The following ITSN2 variants were observed in gnomAD, a reference collection of about 807,000 sequenced individuals.
ITSN2 encodes intersectin-2.
In ITSN2, 156 loss-of-function variants were observed where a neutral mutation model predicts 243.7. The observed-to-expected ratio is 0.64, with a 90% CI of 0.56 to 0.73. The LOEUF (loss-of-function observed/expected upper bound fraction) is 0.73. Ranked by LOEUF, ITSN2 falls within the 30% of genes least tolerant of loss-of-function variation. The pLI, the probability that ITSN2 is intolerant of heterozygous loss-of-function variation, is 0.00. For missense variants in ITSN2, 1,801 were observed against 1,996.1 expected (o/e 0.90, Z 1.86); for synonymous variants, 703 against 699.9 (o/e 1.00, Z -0.07).
chr2:24,209,639 T>TG (rs1354249778), intron 35 of ITSN2, among the ~76,000 whole-genome samples, 179 bp downstream of exon 35: 1 of 152,044 alleles, frequency 6.6e-6, no homozygotes, highest in East Asian at 1.9e-4. Flanking sequence ...CTGTGGCAGG[T>TG]GGGGAGTGCC....
intron 30 of ITSN2, 30 bp downstream of exon 30, chr2:24,220,915 C>G (rs760181276): frequency 5.7e-6 from 9 of 1,578,240 alleles, no homozygotes; most frequent in Admixed American, 1.9e-5. Flanking sequence ...AGCAGATACC[C>G]CGAGAGCTAG....
chr2:24,356,748 C>T lies in ITSN2; in HGVS notation c.-34+3556G>A, dbSNP rs559457193. Among the ~76,000 whole-genome samples the T allele has an allele frequency of 1.3e-4, 19 of 151,996 alleles. No individual in the cohort carries two copies. The South Asian group carries it at 3.3e-3, about 27-fold the overall frequency. ...GGCCAACATGTCTCTACTAAAAAGA[C>T]AAAAATTGGCAGGGCGTGGTGGCAG... is the stretch of plus-strand genomic sequence containing the variant. On this transcript the variant is annotated intron_variant, in intron 1 of 39. Coordinates refer to ENST00000355123, the MANE Select transcript of ITSN2 (RefSeq NM_006277.3).
At position 24,204,522 on chromosome 2, in the gene ITSN2, C is replaced by T. The variant is rs536257226; in HGVS notation, c.4763-104G>A. 7.6e-6 allele frequency: 8 copies of T among 1,054,954 alleles called. No individual in the cohort carries two copies. Among genetic ancestry groups the T allele is most frequent in the East Asian group, 7.1e-5 (3 of 42,034 alleles). The allele number at this position is 1,054,954 out of a possible 1,614,324, so 65.3% of individuals were successfully genotyped here. A position where few individuals can be genotyped will look rare whatever the true frequency, so the allele number is the denominator to read the frequency against. ...AGCAGGATTCCAATAATGGGTCACT[C>T]GAGACCATGGCAGCAGGAGCCGCTG... On this transcript the variant is annotated intron_variant, in intron 38 of 39. Coordinates refer to ENST00000355123, the MANE Select transcript of ITSN2 (RefSeq NM_006277.3). This position sits in a 1 kb window ranked among gnomAD's most constrained non-coding sequence, Gnocchi z 5.1.
Position 24,212,314 on chromosome 2 carries a change from A to G in ITSN2, c.4089+336T>C, listed in dbSNP as rs79160223. On this transcript the variant is annotated intron_variant, in intron 33 of 39. Coordinates refer to ENST00000355123, the MANE Select transcript of ITSN2 (RefSeq NM_006277.3). Reference sequence around the variant, plus strand: ...ACTCTGGTCTTTCTCTGGGTTCAAGATGGGCTCCACAACTGGAGACCTAGA... The same window carrying G: ...ACTCTGGTCTTTCTCTGGGTTCAAGGTGGGCTCCACAACTGGAGACCTAGA... 7.3e-3 allele frequency among the ~76,000 whole-genome samples: 1,106 copies of G among 152,250 alleles called. 7 individuals are homozygous for G. Among genetic ancestry groups the G allele is most frequent in the African/African-American group, 0.026 (1,065 of 41,520 alleles).
intron 29 of ITSN2, among the ~76,000 whole-genome samples, chr2:24,232,738 AC>A (rs1272469199): frequency 6.6e-6 from 1 of 152,192 alleles, no homozygotes; most frequent in African/African-American, 2.4e-5. Flanking sequence ...GAAGAGACTT[AC>A]CAGATAAATT....
intron 1 of ITSN2, among the ~76,000 whole-genome samples, chr2:24,359,657 T>C (rs1242036285): frequency 6.6e-6 from 1 of 151,758 alleles, no homozygotes; most frequent in East Asian, 1.9e-4. Flanking sequence ...AATACACAAA[T>C]AAACTTTATC....
chr2:24,286,196 T>A lies in ITSN2; in HGVS notation c.1863+16A>T. 2.0e-6 allele frequency: 3 copies of A among 1,484,850 alleles called. No individual in the cohort carries two copies. The highest frequency in any genetic ancestry group is 2.8e-6 in the Non-Finnish European group (3 of 1,088,040). The allele number at this position is 1,484,850 out of a possible 1,614,324, so 92.0% of individuals were successfully genotyped here. A position where few individuals can be genotyped will look rare whatever the true frequency, so the allele number is the denominator to read the frequency against. On this transcript the variant is annotated intron_variant, in intron 16 of 39. Transcript: ENST00000355123. Reference sequence around the variant, plus strand: ...AAGGCAGTTACCTAAAAATAAATAGTATCAAAAATAAATACCTTTAGTTGA... The same window carrying A: ...AAGGCAGTTACCTAAAAATAAATAGAATCAAAAATAAATACCTTTAGTTGA...
chr2:24,361,153 A>C (rs1237039454), upstream of ITSN2, among the ~76,000 whole-genome samples: 2 of 152,148 alleles, frequency 1.3e-5, no homozygotes, highest in Non-Finnish European at 2.9e-5. Context: ...AGCACCCTCT[A>C]CGCTAGTCAC....
chr2:24,304,911 G>GTA (rs1682289487), intron 8 of ITSN2, among the ~76,000 whole-genome samples: 1 of 152,166 alleles, frequency 6.6e-6, no homozygotes, highest in Non-Finnish European at 1.5e-5. Flanking sequence ...GAACATGTAT[G>GTA]TACACTCTTA....
At chr2:24,220,636 G>A (rs2543663) in intron 30 of ITSN2, 110,125 of 1,229,020 alleles carry the variant, frequency 0.09, 6,241 homozygotes, top group African/African-American at 0.27. Flanking sequence ...CTCTATCCCC[G>A]TCCTTCCTTG....
chr2:24,315,633 C>T (rs1003077954), intron 2 of ITSN2, among the ~76,000 whole-genome samples: 1 of 152,126 alleles, frequency 6.6e-6, no homozygotes, highest in Non-Finnish European at 1.5e-5. Context: ...AACTGTAATC[C>T]CCACGTGTCA....
chr2:24,321,203 G>GCT (rs1684540257), intron 2 of ITSN2, among the ~76,000 whole-genome samples: 1 of 152,172 alleles, frequency 6.6e-6, no homozygotes, highest in Non-Finnish European at 1.5e-5. Context: ...TTGTCCGCCA[G>GCT]CTCTCTGAGG....
Position 24,257,923 on chromosome 2 carries a change from G to T in ITSN2, c.2853C>A (p.Val951=). 6.2e-7 allele frequency: 1 copy of T among 1,613,922 alleles called. No homozygotes were observed. The highest frequency in any genetic ancestry group is 1.1e-5 in the South Asian group (1 of 91,044). Residue 951 remains valine (V), a synonymous_variant, in exon 23 of 40, where the codon GTC becomes GTA. Transcript: ENST00000355123. ...GGRGWFPKSY[V]KIIPGSEVKR... ...TTACTTCACTCCCAGGAATGATCTT[G>T]ACATAAGATTTGGGAAACCATCCTC... is the stretch of plus-strand genomic sequence containing the variant.
intron 8 of ITSN2, among the ~76,000 whole-genome samples, chr2:24,305,013 C>CT (rs1173817586): frequency 6.6e-6 from 1 of 152,204 alleles, no homozygotes; most frequent in Admixed American, 6.5e-5. Flanking sequence ...AAATCTGGCT[C>CT]TAATCTCTTT....
chr2:24,235,909 C>T (rs1018092619), intron 29 of ITSN2, among the ~76,000 whole-genome samples: 7 of 152,012 alleles, frequency 4.6e-5, no homozygotes, highest in East Asian at 1.9e-4. Context: ...ACACTGCTGG[C>T]GGAAATAGAA....
rs1205512754 is a variant in ITSN2 at position 24,225,717 on chromosome 2, C to G, written c.3578-4651G>C. ...ACAATGCTGCAGGCTGTATATCTCA[C>G]TCGCAGGGCCCCAGTGCACATTAGC... On this transcript the variant is annotated intron_variant, in intron 29 of 39. Transcript: ENST00000355123. This position sits in a 1 kb window ranked among gnomAD's most constrained non-coding sequence, Gnocchi z 4.2. 6.6e-6 allele frequency among the ~76,000 whole-genome samples: 1 copy of G among 152,160 alleles called. No homozygotes were observed. The highest frequency in any genetic ancestry group is 2.4e-5 in the African/African-American group (1 of 41,434).
rs1669231993 is a variant in ITSN2 at position 24,209,177 on chromosome 2, A to C, written c.4518T>G (p.Pro1506=). ...TGTGGAAGACAGGCTCATCGCTGGA[A>C]GGGTCTGTGGGCAGTTTCACCAAGA... The part of the protein sequence containing the change: ...NEVLVKLPTD[P]SSDEPVFHIS... Residue 1506 remains proline (P), a synonymous_variant, in exon 36 of 40, where the codon CCT becomes CCG. Transcript: ENST00000355123. 3 of 1,613,928 alleles carry C rather than the reference A, an allele frequency of 1.9e-6. No individual in the cohort carries two copies. In the South Asian group the frequency reaches 3.3e-5, roughly 18 times the overall value.
intron 13 of ITSN2, among the ~76,000 whole-genome samples, chr2:24,297,044 T>C (rs954047795): frequency 1.3e-5 from 2 of 152,170 alleles, no homozygotes; most frequent in South Asian, 2.1e-4. Context: ...AGATGATATA[T>C]ATATATAAAA....
intron 15 of ITSN2, among the ~76,000 whole-genome samples, chr2:24,289,996 T>C (rs1043726732): frequency 2.0e-5 from 3 of 152,218 alleles, no homozygotes; most frequent in African/African-American, 7.2e-5. Flanking sequence ...TCCTTCTATA[T>C]CTATTTTTTT....
Sources: allele counts gnomAD v4.1 joint callset (sites outside exome capture counted in the v4.1 genomes callset), GRCh38; gene constraint gnomAD v4.1.1; non-coding constraint Gnocchi (gnomAD v3.1); transcripts MANE v1.5; gene names NCBI Gene and HGNC (gene_info 2026-07-23, HGNC 2026-07-21).